The following SNX13 variants were observed in gnomAD, a reference collection of about 807,000 sequenced individuals.
SNX13 encodes sorting nexin-13.
In SNX13, 45 loss-of-function variants were observed where a neutral mutation model predicts 133.6. The observed-to-expected ratio is 0.34, with a 90% CI of 0.27 to 0.43. The LOEUF (loss-of-function observed/expected upper bound fraction) is 0.43, where lower values mean the gene tolerates loss of function less well. Among genes scored for constraint, SNX13 ranks in the 20% least tolerant of loss-of-function variants. The pLI, the probability that SNX13 is intolerant of heterozygous loss-of-function variation, is 1.00. For missense variants in SNX13, 1,032 were observed against 1,145.1 expected (o/e 0.90, Z 1.43); for synonymous variants, 414 against 373.9 (o/e 1.11, Z -1.24).
intron 1 of SNX13, among the ~76,000 whole-genome samples, chr7:17,903,575 T>A (rs1364279880): frequency 6.6e-6 from 1 of 152,150 alleles, no homozygotes; most frequent in Non-Finnish European, 1.5e-5. Context: ...GGGGAGTAAA[T>A]GAGTTCACAG....
Position 17,815,716 on chromosome 7 carries a change from C to CTAG in SNX13, c.1953+463_1953+465dup, listed in dbSNP as rs546499323. On this transcript the variant is annotated intron_variant, in intron 19 of 25. Transcript: ENST00000428135. ...TCACAACTGCTAATATAACAACATT[C>CTAG]TAGCTTGGTTCCTTCAATGGAACAA... 3.5e-4 allele frequency among the ~76,000 whole-genome samples: 54 copies of CTAG among 152,334 alleles called. 2 individuals carry two copies. In the South Asian group the frequency reaches 9.1e-3, roughly 26 times the overall value.
intron 20 of SNX13, 21 bp downstream of exon 20, chr7:17,814,813 T>G (rs745715669): frequency 2.2e-5 from 33 of 1,480,150 alleles, no homozygotes; most frequent in Non-Finnish European, 2.9e-5. Flanking sequence ...AGAAACCCAG[T>G]GCAGTGGTCT....
At chr7:17,829,529 A>C (rs1413919723) in intron 16 of SNX13, among the ~76,000 whole-genome samples, 1 of 151,416 alleles carries the variant, frequency 6.6e-6, no homozygotes, top group Non-Finnish European at 1.5e-5. Flanking sequence ...TTTTTTGTTT[A>C]CAATGACCTG....
chr7:17,903,246 T>C (rs1161023404), intron 1 of SNX13, among the ~76,000 whole-genome samples: 1 of 152,216 alleles, frequency 6.6e-6, no homozygotes, highest in Non-Finnish European at 1.5e-5. Context: ...TATGATCCAG[T>C]GTGTCTGGGA....
At chr7:17,804,149 T>C (rs1211237680) in intron 20 of SNX13, among the ~76,000 whole-genome samples, 2 of 152,140 alleles carry the variant, frequency 1.3e-5, no homozygotes, top group African/African-American at 2.4e-5. Flanking sequence ...ATATAAGCTT[T>C]GGCTGCCTTC....
intron 16 of SNX13, among the ~76,000 whole-genome samples, chr7:17,826,925 G>A (rs943226174): frequency 2.6e-5 from 4 of 152,006 alleles, no homozygotes; most frequent in Non-Finnish European, 4.4e-5. Context: ...TTTGTCCCTC[G>A]GATGGAATAT....
At chr7:17,923,721 CTCT>C (rs1316949067) in intron 1 of SNX13, among the ~76,000 whole-genome samples, 2 of 152,046 alleles carry the variant, frequency 1.3e-5, no homozygotes, top group African/African-American at 2.4e-5. Context: ...TTTGGGAGTC[CTCT>C]TCTTCTCGGA....
chr7:17,823,913 G>A (rs1322241675), intron 17 of SNX13, among the ~76,000 whole-genome samples: 1 of 152,004 alleles, frequency 6.6e-6, no homozygotes. Context: ...AAGGAGAAGA[G>A]ATATAAGAAA....
At chr7:17,843,508 A>G (rs1341457744) in intron 12 of SNX13, among the ~76,000 whole-genome samples, 1 of 152,048 alleles carries the variant, frequency 6.6e-6, no homozygotes, top group African/African-American at 2.4e-5. Context: ...CCCCACTCTC[A>G]GTAACGGATA....
chr7:17,798,000 C>T (rs1174518935), intron 24 of SNX13, among the ~76,000 whole-genome samples: 5 of 151,812 alleles, frequency 3.3e-5, no homozygotes, highest in African/African-American at 4.8e-5. Context: ...GTGCACAGTG[C>T]CAAGAACTTA....
chr7:17,835,688 A>T (rs559775154), intron 13 of SNX13, among the ~76,000 whole-genome samples: 1 of 151,924 alleles, frequency 6.6e-6, no homozygotes, highest in Non-Finnish European at 1.5e-5. Flanking sequence ...TATTTACATA[A>T]CTTCTCTAAT....
At chr7:17,811,854 C>A (rs1786071022) in intron 20 of SNX13, among the ~76,000 whole-genome samples, 1 of 152,134 alleles carries the variant, frequency 6.6e-6, no homozygotes, top group African/African-American at 2.4e-5. Context: ...ACATCTACAA[C>A]CATCTGATCT....
chr7:17,878,115 C>T (rs1373566574), intron 5 of SNX13, among the ~76,000 whole-genome samples: 1 of 152,050 alleles, frequency 6.6e-6, no homozygotes, highest in African/African-American at 2.4e-5. Flanking sequence ...AATAGCCATA[C>T]TTCTACTGCA....
intron 12 of SNX13, among the ~76,000 whole-genome samples, chr7:17,841,237 T>C (rs1789833164): frequency 6.6e-6 from 1 of 152,062 alleles, no homozygotes. Flanking sequence ...TTTAGAAGAC[T>C]GGCACCCTTT....
At chr7:17,902,160 A>G (rs1409804767) in intron 1 of SNX13, among the ~76,000 whole-genome samples, 5 of 151,640 alleles carry the variant, frequency 3.3e-5, no homozygotes, top group African/African-American at 9.7e-5. Context: ...AGTCCTATTC[A>G]TTCATTCAAC....
intron 2 of SNX13, among the ~76,000 whole-genome samples, chr7:17,894,290 C>T (rs1349647286): frequency 6.6e-6 from 1 of 150,380 alleles, no homozygotes; most frequent in Non-Finnish European, 1.5e-5. Flanking sequence ...GAGTAAGACT[C>T]GCCTCAAAAA....
chr7:17,860,556 C>A (rs1313209781), intron 9 of SNX13, among the ~76,000 whole-genome samples: 2 of 152,146 alleles, frequency 1.3e-5, no homozygotes, highest in African/African-American at 4.8e-5. Context: ...ATAATCAAAT[C>A]TAAGAAGCTC....
intron 1 of SNX13, among the ~76,000 whole-genome samples, chr7:17,928,002 G>T (rs1800953309): frequency 6.6e-6 from 1 of 152,040 alleles, no homozygotes; most frequent in Non-Finnish European, 1.5e-5. Context: ...ATTCATACAG[G>T]ACTACAATAC....
chr7:17,817,827 T>C (rs1786827799), intron 18 of SNX13, among the ~76,000 whole-genome samples: 1 of 152,208 alleles, frequency 6.6e-6, no homozygotes, highest in African/African-American at 2.4e-5. Context: ...CACATTAAAC[T>C]ACTGACTCAA....
Sources: allele counts gnomAD v4.1 joint callset (sites outside exome capture counted in the v4.1 genomes callset), GRCh38; gene constraint gnomAD v4.1.1; transcripts MANE v1.5; gene names NCBI Gene and HGNC (gene_info 2026-07-23, HGNC 2026-07-21).